Variants in RNASEH1 observed in about 807,000 individuals in gnomAD.
RNASEH1 encodes ribonuclease H1.
RNASEH1 carries 27 observed loss-of-function variants against 34.6 expected under a neutral mutation model. The ratio of observed to expected loss-of-function variants is 0.78; its 90% CI spans 0.58 to 1.08. The LOEUF is 1.08. Ranked by LOEUF, RNASEH1 falls within the 50% of genes least tolerant of loss-of-function variation. RNASEH1 has a pLI of 0.00. For synonymous variants in RNASEH1, 162 were observed against 138.4 expected, an observed-to-expected ratio of 1.17 and a Z score of -1.20; for missense variants, 349 against 373.6, an observed-to-expected ratio of 0.93 and a Z score of 0.54.
Position 3,552,162 on chromosome 2 carries a change from C to T in RNASEH1, c.391G>A (p.Asp131Asn). Residue 131 changes from aspartate to asparagine, a missense_variant, in exon 3 of 8, where the codon GAC (aspartate) becomes AAC (asparagine). Physicochemically the swap from Asp to Asn is conservative, Grantham distance 23. This residue lies in a region of RNASEH1 where 256 missense variants were observed against 240.7 expected (regional missense o/e 1.06). Coordinates refer to ENST00000315212, the MANE Select transcript of RNASEH1 (RefSeq NM_002936.6). ...SVEPAPPVSRDTFSYMGDFVV... is the reference protein window; with the variant it reads ...SVEPAPPVSRNTFSYMGDFVV... The stretch of plus-strand genomic sequence containing the variant: ...GATGTACCCATGTAGGAAAACGTGT[C>T]TCTGCTAACTGGAGGCGCCGGCTCC... 6.2e-7 allele frequency: 1 copy of T among 1,609,400 alleles called. No individual in the cohort carries two copies.
rs775994234 is a variant in RNASEH1 at position 3,556,827 on chromosome 2, G to T, written c.206C>A (p.Ala69Asp). 1.1e-5 allele frequency: 18 copies of T among 1,613,888 alleles called. No individual in the cohort carries two copies. Among genetic ancestry groups the T allele is most frequent in the Non-Finnish European group, 1.3e-5 (15 of 1,179,860 alleles). The change falls in exon 2 of 8, where the codon GCC becomes GAC. Residue 69 changes from alanine to aspartate, a missense_variant. Physicochemically the swap from Ala to Asp is moderately radical, Grantham distance 126 (BLOSUM62 -2). This residue lies in a region of RNASEH1 where 256 missense variants were observed against 240.7 expected (regional missense o/e 1.06). Coordinates refer to ENST00000315212, the MANE Select transcript of RNASEH1 (RefSeq NM_002936.6). ...CGGGCTTGCAGATTTCCTGACAAAGGCCCAGGCCTCATCCTCTGTGGCAAA... is the reference window on the plus strand; with the variant it reads ...CGGGCTTGCAGATTTCCTGACAAAGTCCCAGGCCTCATCCTCTGTGGCAAA... Reference protein sequence around the residue: ...KKFATEDEAWAFVRKSASPEV... With the variant: ...KKFATEDEAWDFVRKSASPEV...
downstream of RNASEH1, among the ~76,000 whole-genome samples, chr2:3,539,460 T>C (rs1668173086): frequency 6.6e-6 from 1 of 152,308 alleles, no homozygotes; most frequent in Admixed American, 6.5e-5. Flanking sequence ...CAACACAATA[T>C]CAGAGTCACC....
chr2:3,537,740 GA>G (rs1668058753), downstream of RNASEH1, among the ~76,000 whole-genome samples: 1 of 151,828 alleles, frequency 6.6e-6, no homozygotes, highest in East Asian at 1.9e-4. Flanking sequence ...AAAAAAAGAT[GA>G]AAGAAAATCT....
chr2:3,556,400 G>T (rs1232612767), intron 2 of RNASEH1, among the ~76,000 whole-genome samples: 2 of 151,102 alleles, frequency 1.3e-5, no homozygotes, highest in African/African-American at 4.9e-5. Flanking sequence ...CCACTTCTCG[G>T]GCTCAAGCAA....
intron 2 of RNASEH1, among the ~76,000 whole-genome samples, chr2:3,555,126 C>T (rs953483664): frequency 1.3e-5 from 2 of 152,234 alleles, no homozygotes; most frequent in African/African-American, 4.8e-5. Flanking sequence ...AGAAGTTTCA[C>T]AATCCCCTTG....
In RNASEH1 at chr2:3,542,032, T is replaced by G. The variant is rs539281289; in HGVS notation, c.*3753A>C. Reference sequence around the variant, plus strand: ...AACAAAAGTGGTACAATAACAACTTTTAAAACTCAAAAAGAAACAAAGAAA... The same window carrying G: ...AACAAAAGTGGTACAATAACAACTTGTAAAACTCAAAAAGAAACAAAGAAA... On this transcript the variant is annotated 3_prime_UTR_variant, in exon 8 of 8. Transcript: ENST00000315212. Among the ~76,000 whole-genome samples, 1 of 152,154 alleles carries G rather than the reference T, an allele frequency of 6.6e-6. No homozygotes were observed. The highest frequency in any genetic ancestry group is 1.9e-4 in the East Asian group (1 of 5,178).
chr2:3,532,331 G>A, the RNASEH1 span: 3 of 702,334 alleles, frequency 4.3e-6, no homozygotes, highest in Non-Finnish European at 7.8e-6. Context: ...AAGAAATAAT[G>A]GGTACAAAGC....
chr2:3,551,915 T>C (rs1441123921), intron 3 of RNASEH1, among the ~76,000 whole-genome samples: 2 of 152,224 alleles, frequency 1.3e-5, no homozygotes, highest in African/African-American at 4.8e-5. Context: ...TTTCAAAAGA[T>C]TACAGTTGTT....
chr2:3,553,666 A>G (rs1229815549), intron 2 of RNASEH1, among the ~76,000 whole-genome samples: 1 of 152,182 alleles, frequency 6.6e-6, no homozygotes, highest in Non-Finnish European at 1.5e-5. Flanking sequence ...CTGGGATTAC[A>G]GGCGTGAGCC....
At chr2:3,558,004 G>A (rs1004208691) in intron 1 of RNASEH1, 129 bp downstream of exon 1, 10 of 1,485,674 alleles carry the variant, frequency 6.7e-6, no homozygotes, top group East Asian at 2.5e-5. Flanking sequence ...GCGGTCCCCC[G>A]ACCACCCACA....
Position 3,558,122 on chromosome 2 carries a change from G to C in RNASEH1, c.128+11C>G, listed in dbSNP as rs749536507. 6.3e-7 allele frequency: 1 copy of C among 1,583,880 alleles called. No homozygotes were observed. The highest frequency in any genetic ancestry group is 8.6e-7 in the Non-Finnish European group (1 of 1,168,124). On this transcript the variant is annotated intron_variant, in intron 1 of 7. Transcript: ENST00000315212. The stretch of plus-strand genomic sequence containing the variant: ...CCGGCAGGGAGGCGCCTCGGCGGGC[G>C]GGCCACTCACCAGGTCAGAAAGACC...
rs547354710 is a variant in RNASEH1, at chr2:3,545,753, T to G, written c.*32A>C. ...TACAGGCAGCAAGACAGCCGCTGGC[T>G]CAAGTTCTCCCAAGGACTAAAGTCA... On this transcript the variant is annotated 3_prime_UTR_variant, in exon 8 of 8. Transcript: ENST00000315212. 6.6e-7 allele frequency: 1 copy of G among 1,512,150 alleles called. No homozygotes were observed. Among genetic ancestry groups the G allele is most frequent in the African/African-American group, 1.4e-5 (1 of 73,026 alleles). 93.7% of individuals were successfully genotyped at this position (1,512,150 alleles called of 1,614,324 possible).
chr2:3,541,422 C>T (rs548544483), downstream of RNASEH1, among the ~76,000 whole-genome samples: 1 of 151,808 alleles, frequency 6.6e-6, no homozygotes, highest in South Asian at 2.1e-4. Flanking sequence ...AAGACAAAGA[C>T]GAGGATATAA....
chr2:3,541,002 G>GT (rs1282449550), downstream of RNASEH1, among the ~76,000 whole-genome samples: 1 of 152,122 alleles, frequency 6.6e-6, no homozygotes, highest in Non-Finnish European at 1.5e-5. Context: ...AATGTAAAGT[G>GT]TAAAGTTCAC....
chr2:3,556,510 G>A (rs1399861743), intron 2 of RNASEH1, among the ~76,000 whole-genome samples: 1 of 151,830 alleles, frequency 6.6e-6, no homozygotes, highest in African/African-American at 2.4e-5. Context: ...TCATCATGTT[G>A]GCCAGGCTGG....
intron 3 of RNASEH1, among the ~76,000 whole-genome samples, 160 bp from the exon 4 acceptor site, chr2:3,550,632 G>A (rs1436732180): frequency 1.3e-5 from 2 of 152,158 alleles, no homozygotes; most frequent in Non-Finnish European, 2.9e-5. Context: ...TCCTTACAAG[G>A]GGGCACCTAA....
intron 1 of RNASEH1, 44 bp downstream of exon 1, chr2:3,558,089 C>G: frequency 6.4e-7 from 1 of 1,553,994 alleles, no homozygotes; most frequent in Non-Finnish European, 8.7e-7. Context: ...CCTCCCTCGA[C>G]CCCGATGCCG....
At chr2:3,539,133 T>G (rs1668154467), downstream of RNASEH1, among the ~76,000 whole-genome samples, 1 of 152,220 alleles carries the variant, frequency 6.6e-6, no homozygotes, top group Admixed American at 6.5e-5. Flanking sequence ...TGTTTTTGCT[T>G]ATGGCTCTTC....
chr2:3,558,327 C>T lies in RNASEH1; in HGVS notation c.-67G>A, dbSNP rs1365805230. On this transcript the variant is annotated 5_prime_UTR_variant, in exon 1 of 8. Transcript: ENST00000315212. ...AGCGTGGGCGCGAGCCGCCGGCGCT[C>T]AACACCGCACTTCCGTCACCGGCGC... The T allele has an allele frequency of 2.1e-6, 3 of 1,451,950 alleles. No homozygotes were observed. In the East Asian group the frequency reaches 8.2e-5, roughly 40 times the overall value. The allele number at this position is 1,451,950 out of a possible 1,614,324, so 89.9% of individuals were successfully genotyped here. A position where few individuals can be genotyped will look rare whatever the true frequency, so the allele number is the denominator to read the frequency against.
Sources: gnomAD v4.1 joint callset for allele counts (sites outside exome capture counted in the v4.1 genomes callset) on GRCh38, gnomAD v4.1.1 for gene constraint, gnomAD v4.1.1 regional missense constraint, MANE v1.5 for transcripts, NCBI Gene and HGNC (gene_info 2026-07-23, HGNC 2026-07-21) for gene names.